Variants in DHRS12 observed in about 807,000 individuals in gnomAD.
DHRS12 encodes the protein dehydrogenase/reductase SDR family member 12.
In DHRS12, 29 loss-of-function variants were observed where a neutral mutation model predicts 32.1. The observed-to-expected ratio is 0.90, with a 90% CI of 0.67 to 1.23. The LOEUF (loss-of-function observed/expected upper bound fraction) is 1.23. DHRS12 is among the 50% of genes most tolerant of loss of function. The pLI is 0.00. For synonymous variants in DHRS12, 150 were observed against 135.9 expected (o/e 1.10, Z -0.72); for missense variants, 330 against 337.2 (o/e 0.98, Z 0.17).
intron 4 of DHRS12, among the ~76,000 whole-genome samples, chr13:51,787,843 A>AATATATAAAT (rs1226586322): frequency 2.3e-4 from 29 of 125,952 alleles, no homozygotes; most frequent in Admixed American, 7.8e-4. Context: ...ATAAACATAT[A>AATATATAAAT]ATATATAATT....
At chr13:51,757,637 A>T in the DHRS12 span, among the ~76,000 whole-genome samples, 3 of 141,504 alleles carry the variant, frequency 2.1e-5, no homozygotes, top group South Asian at 6.7e-4. Flanking sequence ...CTTCTTACTT[A>T]AAAAAAAAAA....
chr13:51,768,169 CA>C lies in DHRS12; in HGVS notation c.*17del, dbSNP rs775773859. ...ATCTTCTAAGGCAATTCTGGTACCG[CA>C]CTGTGTCTGGGTTGGCCTATTTAAA... On this transcript the variant is annotated 3_prime_UTR_variant, in exon 9 of 9. Transcript: ENST00000444610. 4 of 1,536,092 alleles carry C rather than the reference CA, an allele frequency of 2.6e-6. No homozygotes were observed. The highest frequency in any genetic ancestry group is 3.5e-6 in the Non-Finnish European group (4 of 1,146,882).
chr13:51,797,685 C>T, intron 2 of DHRS12: 1 of 822,754 alleles, frequency 1.2e-6, no homozygotes, highest in Non-Finnish European at 1.9e-6. Flanking sequence ...GGCCCAGCTC[C>T]CTGCTGGCCG....
chr13:51,767,849 G>T, downstream of DHRS12: 1 of 269,314 alleles, frequency 3.7e-6, no homozygotes, highest in Non-Finnish European at 6.1e-6. Flanking sequence ...GAGGGGAAGT[G>T]GAGTTCACAG....
At chr13:51,802,344 G>C (rs963890158) in intron 1 of DHRS12, among the ~76,000 whole-genome samples, 6 of 152,198 alleles carry the variant, frequency 3.9e-5, no homozygotes, top group African/African-American at 9.7e-5. Context: ...CCTGCCTACT[G>C]ACTCAGAAGT....
chr13:51,802,516 T>C (rs1206843603), intron 1 of DHRS12, among the ~76,000 whole-genome samples: 2 of 152,200 alleles, frequency 1.3e-5, no homozygotes, highest in African/African-American at 2.4e-5. Context: ...TACCCAAATA[T>C]GAAATTTGCT....
At chr13:51,794,511 C>T (rs1043931708) in intron 2 of DHRS12, among the ~76,000 whole-genome samples, 3 of 152,190 alleles carry the variant, frequency 2.0e-5, no homozygotes, top group African/African-American at 4.8e-5. Context: ...GCTGGAGAGT[C>T]GAAACCCGTT....
intron 1 of DHRS12, among the ~76,000 whole-genome samples, chr13:51,801,101 T>A (rs1250761005): frequency 6.6e-6 from 1 of 152,200 alleles, no homozygotes; most frequent in Non-Finnish European, 1.5e-5. Context: ...TAATAAGAGA[T>A]ACCTCTTGGG....
chr13:51,777,267 G>A, intron 4 of DHRS12, 146 bp from the exon 5 acceptor site: 1 of 762,126 alleles, frequency 1.3e-6, no homozygotes, highest in Non-Finnish European at 2.2e-6. Flanking sequence ...CTCCTTCCGA[G>A]GATCCTTCAA....
chr13:51,787,827 A>T (rs1170435347), intron 4 of DHRS12, among the ~76,000 whole-genome samples: 1 of 127,512 alleles, frequency 7.8e-6, no homozygotes, highest in Non-Finnish European at 1.6e-5. Flanking sequence ...ATATATTATA[A>T]ATTATATAAA....
intron 4 of DHRS12, among the ~76,000 whole-genome samples, chr13:51,783,062 A>G (rs910749132): frequency 6.6e-6 from 1 of 152,072 alleles, no homozygotes; most frequent in Non-Finnish European, 1.5e-5. Flanking sequence ...CAGGAGGCTC[A>G]GTCTGGGAAG....
intron 4 of DHRS12, among the ~76,000 whole-genome samples, chr13:51,786,799 C>G (rs1468658540): frequency 6.6e-6 from 1 of 152,218 alleles, no homozygotes; most frequent in Non-Finnish European, 1.5e-5. Flanking sequence ...GTATCAGGAA[C>G]CTACTGGTGT....
At chr13:51,771,419 T>C (rs1954007637) in intron 7 of DHRS12, 1 of 1,605,378 alleles carries the variant, frequency 6.2e-7, no homozygotes, top group Non-Finnish European at 8.5e-7. Flanking sequence ...CATGCATCAT[T>C]ATTTCCAAAA....
chr13:51,797,094 A>G (rs760251863), intron 2 of DHRS12, among the ~76,000 whole-genome samples: 24 of 152,148 alleles, frequency 1.6e-4, no homozygotes, highest in Non-Finnish European at 3.1e-4. Context: ...CTTTAGTGAC[A>G]GTGAGCGAGC....
intron 4 of DHRS12, among the ~76,000 whole-genome samples, chr13:51,779,638 AAGC>A (rs1253659755): frequency 3.3e-5 from 5 of 152,174 alleles, no homozygotes; most frequent in Non-Finnish European, 7.4e-5. Context: ...AGTCCCAGAG[AAGC>A]AGAAGGTCAC....
Position 51,804,123 on chromosome 13 carries a change from C to G in DHRS12, c.-78G>C, listed in dbSNP as rs767650255. The stretch of plus-strand genomic sequence containing the variant: ...GTACAGGGACATGCCGGGAGCGCCC[C>G]ACGCCTAGCCCCACCGCGCTCCCGG... On this transcript the variant is annotated 5_prime_UTR_variant, in exon 1 of 9. Transcript: ENST00000444610. The G allele has an allele frequency of 1.8e-5, 27 of 1,475,034 alleles. No homozygotes were observed. In the South Asian group the frequency reaches 3.2e-4, roughly 17 times the overall value. 91.4% of individuals were successfully genotyped at this position (1,475,034 alleles called of 1,614,324 possible).
chr13:51,790,023 C>A lies in DHRS12; in HGVS notation c.289G>T (p.Ala97Ser). Residue 97 changes from alanine (A) to serine (S), a missense_variant, in exon 4 of 9, where the codon GCC becomes TCC. By Grantham distance (99) the Ala-to-Ser change is moderately conservative. Transcript: ENST00000444610. ...TTCTTGTACTTACCCAGAGTATTGG[C>A]AGCAAAGTTTTTTTCAAGTCCATCT... Reference protein sequence around the residue: ...TEDGLEKNFAANTLGVYILTT... With the variant: ...TEDGLEKNFASNTLGVYILTT... The A allele has an allele frequency of 1.9e-6, 3 of 1,604,138 alleles. No homozygotes were observed. The highest frequency in any genetic ancestry group is 2.5e-6 in the Non-Finnish European group (3 of 1,176,948).
Position 51,770,654 on chromosome 13 carries a change from C to A in DHRS12, c.559+1167G>T. 3.4e-6 allele frequency: 2 copies of A among 584,534 alleles called. 1 individual carries two copies. Among genetic ancestry groups the A allele is most frequent in the South Asian group, 1.4e-4 (2 of 14,194 alleles). 36.2% of individuals were successfully genotyped at this position (584,534 alleles called of 1,614,324 possible). A position where few individuals can be genotyped will look rare whatever the true frequency, so the allele number is the denominator to read the frequency against. On this transcript the variant is annotated intron_variant, in intron 7 of 8. Coordinates refer to ENST00000444610, the MANE Select transcript of DHRS12 (RefSeq NM_001377533.1). Reference sequence around the variant, plus strand: ...TTAAGACAGGAGACTCAGATCTGTACAGGTGAGGACTAATTTCTGCCAAAT... The same window carrying A: ...TTAAGACAGGAGACTCAGATCTGTAAAGGTGAGGACTAATTTCTGCCAAAT...
At position 51,783,046 on chromosome 13, in the gene DHRS12, G is replaced by A. The variant is rs1050594401; in HGVS notation, c.302-5925C>T. Reference sequence around the variant, plus strand: ...AGCGGCCCAGAGCGGGGTGCACGGCGCGGCCCAGGAGGCTCAGTCTGGGAA... The same window carrying A: ...AGCGGCCCAGAGCGGGGTGCACGGCACGGCCCAGGAGGCTCAGTCTGGGAA... On this transcript the variant is annotated intron_variant, in intron 4 of 8. Transcript: ENST00000444610. Among the ~76,000 whole-genome samples, 8 of 152,114 alleles carry A rather than the reference G, an allele frequency of 5.3e-5. No individual in the cohort carries two copies. The East Asian group carries it at 1.4e-3, about 26-fold the overall frequency.
Sources: allele counts gnomAD v4.1 joint callset (sites outside exome capture counted in the v4.1 genomes callset), GRCh38; gene constraint gnomAD v4.1.1; transcripts MANE v1.5; gene names NCBI Gene and HGNC (gene_info 2026-07-23, HGNC 2026-07-21).